The following USP37 variants were observed in gnomAD, a reference collection of about 807,000 sequenced individuals.
USP37 encodes ubiquitin carboxyl-terminal hydrolase 37.
In USP37, 27 loss-of-function variants were observed where a neutral mutation model predicts 124.0. That is an observed-to-expected ratio of 0.22 (90% CI 0.16 to 0.30). The LOEUF (loss-of-function observed/expected upper bound fraction) is 0.30, where lower values mean the gene tolerates loss of function less well. Among genes scored for constraint, USP37 ranks in the 10% least tolerant of loss-of-function variants. USP37 has a pLI of 1.00. For missense variants in USP37, 889 were observed against 1,140.4 expected (o/e 0.78, Z 3.17); for synonymous variants, 365 against 388.0 (o/e 0.94, Z 0.70).
chr2:218,561,724 T>C (rs890061879), intron 2 of USP37, among the ~76,000 whole-genome samples: 4 of 151,848 alleles, frequency 2.6e-5, no homozygotes, highest in African/African-American at 9.7e-5. Flanking sequence ...GATCAAATCA[T>C]ATCCCTCTCT....
intron 11 of USP37, among the ~76,000 whole-genome samples, chr2:218,499,922 C>T (rs1202408274): frequency 2.6e-5 from 4 of 152,144 alleles, no homozygotes; most frequent in African/African-American, 9.7e-5. Context: ...CAATGTGTGC[C>T]ACTATGCCTG....
chr2:218,541,982 G>A (rs987791456), intron 8 of USP37, among the ~76,000 whole-genome samples: 1 of 152,052 alleles, frequency 6.6e-6, no homozygotes, highest in Non-Finnish European at 1.5e-5. Context: ...TGCCCACCTG[G>A]ACAGAGCCAG....
At position 218,452,712 on chromosome 2, in the gene USP37, C is replaced by T. The variant is rs1689518425; in HGVS notation, c.*2218G>A. The stretch of plus-strand genomic sequence containing the variant: ...AGCTATGAAAGCAATTCAAATGAGG[C>T]TGCTTCATGAGGCAATCTAGACTTA... On this transcript the variant is annotated 3_prime_UTR_variant, in exon 26 of 26. Transcript: ENST00000258399. 1 of 152,212 alleles carries T rather than the reference C, an allele frequency of 6.6e-6. No individual in the cohort carries two copies. The highest frequency in any genetic ancestry group is 1.5e-5 in the Non-Finnish European group (1 of 68,036). The allele number at this position is 152,212 out of a possible 1,614,324, so 9.4% of individuals were successfully genotyped here.
chr2:218,563,588 A>C (rs1357177686), intron 1 of USP37, among the ~76,000 whole-genome samples: 1 of 152,220 alleles, frequency 6.6e-6, no homozygotes, highest in Non-Finnish European at 1.5e-5. Flanking sequence ...ACTAGGCCTG[A>C]ACTTTCTCTG....
At chr2:218,559,599 C>T (rs992100770) in intron 3 of USP37, among the ~76,000 whole-genome samples, 2 of 152,138 alleles carry the variant, frequency 1.3e-5, no homozygotes, top group East Asian at 3.8e-4. Flanking sequence ...ACTACCATTC[C>T]TAGAAAGAAT....
At chr2:218,527,180 C>T (rs892233237) in intron 10 of USP37, among the ~76,000 whole-genome samples, 35 of 152,296 alleles carry the variant, frequency 2.3e-4, no homozygotes, top group Admixed American at 7.8e-4. Flanking sequence ...GTCTACCCTG[C>T]ATAGGACTTT....
At chr2:218,548,944 T>C (rs1404690376) in intron 6 of USP37, among the ~76,000 whole-genome samples, 1 of 152,182 alleles carries the variant, frequency 6.6e-6, no homozygotes, top group Non-Finnish European at 1.5e-5. Flanking sequence ...AAAATAATTA[T>C]GCTGAGGGAA....
intron 19 of USP37, among the ~76,000 whole-genome samples, chr2:218,476,574 T>TA (rs1342009236): frequency 1.3e-5 from 2 of 152,084 alleles, no homozygotes; most frequent in East Asian, 1.9e-4. Flanking sequence ...TACCCTGTCT[T>TA]AAAAAACTGC....
intron 22 of USP37, among the ~76,000 whole-genome samples, chr2:218,460,219 T>C (rs1391475015): frequency 4.0e-5 from 6 of 151,364 alleles, no homozygotes; most frequent in Non-Finnish European, 7.4e-5. Context: ...GATTGCACCA[T>C]TGTACTCCAG....
chr2:218,498,347 A>G (rs1689182847), intron 11 of USP37, 190 bp from the exon 12 acceptor site: 2 of 440,640 alleles, frequency 4.5e-6, no homozygotes, highest in South Asian at 9.2e-5. Flanking sequence ...AAAAGAAGGC[A>G]CAAAAATGTC....
rs778846384 is a variant in USP37 at position 218,476,921 on chromosome 2, A to G, written c.1962T>C (p.Asp654=). 1 of 1,608,768 alleles carries G rather than the reference A, an allele frequency of 6.2e-7. No homozygotes were observed. Among genetic ancestry groups the G allele is most frequent in the African/African-American group, 1.3e-5 (1 of 74,636 alleles). Residue 654 remains aspartate, a synonymous_variant, in exon 19 of 26, where the codon GAT becomes GAC. Coordinates refer to ENST00000258399, the MANE Select transcript of USP37 (RefSeq NM_020935.3). ...TGAGGGCCACAGAACGTTTTAGCTC[A>G]TCCTCACTGTCTGAATCAAGGCATA... ...LALCLDSDSE[D]ELKRSVALSQ...
At chr2:218,490,253 AT>A (rs1322997946) in intron 14 of USP37, among the ~76,000 whole-genome samples, 2 of 152,178 alleles carry the variant, frequency 1.3e-5, no homozygotes, top group African/African-American at 4.8e-5. Context: ...AGGCAGGAGA[AT>A]GGTGTGAACT....
intron 17 of USP37, 148 bp from the exon 18 acceptor site, chr2:218,479,863 T>C (rs1305500051): frequency 9.9e-6 from 4 of 402,978 alleles, no homozygotes; most frequent in East Asian, 7.5e-5. Context: ...TTACTAGCAA[T>C]AGGCCAGGTG....
chr2:218,500,000 C>CTCAAGCAA (rs1287123950), intron 11 of USP37, among the ~76,000 whole-genome samples: 1 of 152,182 alleles, frequency 6.6e-6, no homozygotes, highest in African/African-American at 2.4e-5. Context: ...AACTCCAGGG[C>CTCAAGCAA]TCAAGCAATC....
At chr2:218,497,540 C>T (rs937917622) in intron 13 of USP37, among the ~76,000 whole-genome samples, 194 bp downstream of exon 13, 12 of 151,110 alleles carry the variant, frequency 7.9e-5, no homozygotes, top group Middle Eastern at 3.4e-3. Flanking sequence ...ATTACAGGCG[C>T]ATGCCACCAC....
At chr2:218,554,115 G>A (rs1692813268) in intron 4 of USP37, among the ~76,000 whole-genome samples, 1 of 152,198 alleles carries the variant, frequency 6.6e-6, no homozygotes, top group East Asian at 1.9e-4. Context: ...ATTAAAGGCA[G>A]CACTGCTACC....
intron 10 of USP37, among the ~76,000 whole-genome samples, chr2:218,517,370 C>A (rs974266034): frequency 2.6e-5 from 4 of 152,152 alleles, no homozygotes; most frequent in Non-Finnish European, 5.9e-5. Context: ...AATCTGAGTT[C>A]TTTTTCCATC....
chr2:218,522,336 G>A (rs1690700692), intron 10 of USP37, among the ~76,000 whole-genome samples: 1 of 151,862 alleles, frequency 6.6e-6, no homozygotes, highest in Non-Finnish European at 1.5e-5. Context: ...GTCAAAGAGG[G>A]AGGATTGCCA....
At chr2:218,463,492 G>T in intron 21 of USP37, 126 bp from the exon 22 acceptor site, 3 of 679,972 alleles carry the variant, frequency 4.4e-6, no homozygotes, top group South Asian at 1.9e-5. Context: ...ATGGATGTTT[G>T]GAATATTACC....
Sources: allele counts gnomAD v4.1 joint callset (sites outside exome capture counted in the v4.1 genomes callset), GRCh38; gene constraint gnomAD v4.1.1; transcripts MANE v1.5; gene names NCBI Gene and HGNC (gene_info 2026-07-23, HGNC 2026-07-21).